Variants in TMPRSS15 observed in about 807,000 individuals in gnomAD.
The protein encoded by TMPRSS15 is enteropeptidase.
Under a neutral mutation model 125.3 loss-of-function variants are expected in TMPRSS15, and 128 were observed. That is an observed-to-expected ratio of 1.02 (90% CI 0.89 to 1.18). The LOEUF (loss-of-function observed/expected upper bound fraction) is 1.18. Among genes scored for constraint, TMPRSS15 ranks in the 50% most tolerant of loss-of-function variants. The pLI, the probability that TMPRSS15 is intolerant of heterozygous loss-of-function variation, is 0.00. For synonymous variants in TMPRSS15, 446 were observed against 423.2 expected, an observed-to-expected ratio of 1.05 and a Z score of -0.66; for missense variants, 1,283 against 1,212.7, an observed-to-expected ratio of 1.06 and a Z score of -0.86.
intron 18 of TMPRSS15, among the ~76,000 whole-genome samples, chr21:18,299,997 TA>T (rs1278454088): frequency 1.3e-5 from 2 of 152,130 alleles, no homozygotes; most frequent in Admixed American, 6.5e-5. Flanking sequence ...AAGTGACTTC[TA>T]GTTACCCAAT....
At chr21:18,320,538 AATG>A (rs2146951626) in intron 16 of TMPRSS15, among the ~76,000 whole-genome samples, 1 of 152,342 alleles carries the variant, frequency 6.6e-6, no homozygotes, top group Admixed American at 6.5e-5. Flanking sequence ...TTAAAATTTA[AATG>A]ATAACATAAA....
chr21:18,360,642 G>A (rs1815889795), intron 7 of TMPRSS15, among the ~76,000 whole-genome samples: 1 of 152,062 alleles, frequency 6.6e-6, no homozygotes, highest in Admixed American at 6.6e-5. Context: ...TTCTGTCTAT[G>A]TGTTTGTCTT....
intron 1 of TMPRSS15, among the ~76,000 whole-genome samples, chr21:18,437,518 T>G (rs1252042345): frequency 6.6e-6 from 1 of 152,102 alleles, no homozygotes. Context: ...CGAAAAAAAC[T>G]ACCGTCAGAG....
rs200141519 is a variant in TMPRSS15 at position 18,396,847 on chromosome 21, T to TATCTATC, written c.344+1031_344+1032insGATAGAT. Among the ~76,000 whole-genome samples, 406 of 139,452 alleles carry TATCTATC rather than the reference T, an allele frequency of 2.9e-3. 8 individuals are homozygous for TATCTATC. Among genetic ancestry groups the TATCTATC allele is most frequent in the African/African-American group, 9.6e-3 (372 of 38,704 alleles). The allele number at this position is 139,452 out of a possible 152,430, so 91.5% of individuals were successfully genotyped here. A position where few individuals can be genotyped will look rare whatever the true frequency, so the allele number is the denominator to read the frequency against. On this transcript the variant is annotated intron_variant, in intron 3 of 24. Coordinates refer to ENST00000284885, the MANE Select transcript of TMPRSS15 (RefSeq NM_002772.3). The stretch of plus-strand genomic sequence containing the variant: ...CTATCTATCTATCTATCTATCTATC[T>TATCTATC]ATCTTAAGTCACAAAAGGCTTGGCC...
chr21:18,284,593 C>G (rs1297661453), intron 21 of TMPRSS15, among the ~76,000 whole-genome samples: 3 of 152,078 alleles, frequency 2.0e-5, no homozygotes, highest in Non-Finnish European at 2.9e-5. Flanking sequence ...AAAATCTGGT[C>G]TCAAAGCATC....
chr21:18,419,385 C>A (rs1392717679), intron 1 of TMPRSS15, among the ~76,000 whole-genome samples: 1 of 151,964 alleles, frequency 6.6e-6, no homozygotes, highest in African/African-American at 2.4e-5. Context: ...GCCACCACGC[C>A]CAGCTAATTT....
At chr21:18,374,249 G>A (rs1388097513) in intron 5 of TMPRSS15, among the ~76,000 whole-genome samples, 4 of 151,648 alleles carry the variant, frequency 2.6e-5, no homozygotes, top group Non-Finnish European at 5.9e-5. Context: ...CGAGGCGGGT[G>A]GATCATGAGG....
intron 18 of TMPRSS15, among the ~76,000 whole-genome samples, chr21:18,302,113 G>A (rs1209758845): frequency 6.6e-6 from 1 of 152,164 alleles, no homozygotes; most frequent in Non-Finnish European, 1.5e-5. Context: ...ATGTTTTAAG[G>A]CCTTTGGACA....
chr21:18,459,528 C>A (rs1490954299), intron 1 of TMPRSS15, among the ~76,000 whole-genome samples: 2 of 152,146 alleles, frequency 1.3e-5, no homozygotes, highest in Non-Finnish European at 2.9e-5. Flanking sequence ...CCTGCCTCAT[C>A]CTCCCAAAGT....
rs534579301 is a variant in TMPRSS15 at position 18,384,964 on chromosome 21, G to A, written c.345-1186C>T. Among the ~76,000 whole-genome samples the A allele has an allele frequency of 7.6e-4, 116 of 152,192 alleles. 1 individual carries two copies. Among genetic ancestry groups the A allele is most frequent in the Non-Finnish European group, 1.9e-4 (13 of 68,000 alleles). On this transcript the variant is annotated intron_variant, in intron 3 of 24. Transcript: ENST00000284885. ...AGAATATTCCTGAAAGATCACAGTA[G>A]ATCAGCATCTCCACTAGGGGGAGTA... is the stretch of plus-strand genomic sequence containing the variant.
chr21:18,474,500 G>A (rs376742577), intron 1 of TMPRSS15, among the ~76,000 whole-genome samples: 52 of 152,134 alleles, frequency 3.4e-4, no homozygotes, highest in African/African-American at 1.2e-3. Flanking sequence ...ATGTTGGTCA[G>A]GCTGGTCTCA....
chr21:18,417,584 G>A (rs2076183237), intron 1 of TMPRSS15, among the ~76,000 whole-genome samples: 4 of 152,126 alleles, frequency 2.6e-5, no homozygotes. Flanking sequence ...AAGATTTGGT[G>A]TGCTCACAAT....
At chr21:18,432,115 A>G (rs2076217361) in intron 1 of TMPRSS15, among the ~76,000 whole-genome samples, 1 of 152,064 alleles carries the variant, frequency 6.6e-6, no homozygotes, top group Non-Finnish European at 1.5e-5. Context: ...TTTGTCATGA[A>G]CTCATCCCTT....
rs1007569057 is a variant in TMPRSS15, at chr21:18,457,408, T to A, written c.10+28391A>T. Among the ~76,000 whole-genome samples, 4 of 152,000 alleles carry A rather than the reference T, an allele frequency of 2.6e-5. 1 individual carries two copies. The highest frequency in any genetic ancestry group is 2.0e-4 in the Admixed American group (3 of 15,228). On this transcript the variant is annotated intron_variant, in intron 1 of 7. Coordinates refer to the TMPRSS15 transcript ENST00000422787. ...AATGAAGTTGTGCTAAACCTCTTTATAAAGGAAAAGCAACTTATTACGTTG... is the reference window on the plus strand; with the variant it reads ...AATGAAGTTGTGCTAAACCTCTTTAAAAAGGAAAAGCAACTTATTACGTTG...
At chr21:18,425,168 C>T (rs2076200128) in intron 1 of TMPRSS15, among the ~76,000 whole-genome samples, 1 of 151,756 alleles carries the variant, frequency 6.6e-6, no homozygotes, top group Admixed American at 6.6e-5. Context: ...AAAATGTCTT[C>T]CAGAAAACTC....
chr21:18,297,705 C>A (rs1342889139), intron 19 of TMPRSS15, 29 bp downstream of exon 19: 7 of 1,534,960 alleles, frequency 4.6e-6, no homozygotes, highest in Non-Finnish European at 6.3e-6. Context: ...CTATGTACAA[C>A]TAGTCTAAGA....
chr21:18,347,304 T>C (rs537282264), intron 10 of TMPRSS15, among the ~76,000 whole-genome samples: 5 of 152,326 alleles, frequency 3.3e-5, no homozygotes, highest in African/African-American at 1.2e-4. Flanking sequence ...TAGCCAATCT[T>C]GGTTCATTGC....
At chr21:18,396,842 C>CTATT (rs1383017036) in intron 3 of TMPRSS15, among the ~76,000 whole-genome samples, 1 of 147,956 alleles carries the variant, frequency 6.8e-6, no homozygotes, top group African/African-American at 2.5e-5. Context: ...ATCTATCTAT[C>CTATT]TATCTATCTT....
rs184499086 is a variant in TMPRSS15, at chr21:18,349,601, A to C, written c.1171+3302T>G. Among the ~76,000 whole-genome samples, 122 of 152,284 alleles carry C rather than the reference A, an allele frequency of 8.0e-4. 1 individual carries two copies. The highest frequency in any genetic ancestry group is 1.1e-3 in the Admixed American group (17 of 15,274). ...CAGAGATAGGATGTTCTGACACATA[A>C]AAAAGCAGGCTAGAAGAAAAACGCC... On this transcript the variant is annotated intron_variant, in intron 10 of 24. Transcript: ENST00000284885.
Sources: allele counts gnomAD v4.1 joint callset (sites outside exome capture counted in the v4.1 genomes callset), GRCh38; gene constraint gnomAD v4.1.1; transcripts MANE v1.5; gene names NCBI Gene and HGNC (gene_info 2026-07-23, HGNC 2026-07-21).